Variants in STRN observed in about 807,000 individuals in gnomAD.
STRN encodes the protein striatin, also known as protein phosphatase 2 regulatory subunit B'''alpha.
In STRN, 53 loss-of-function variants were observed where a neutral mutation model predicts 96.3. That is an observed-to-expected ratio of 0.55 (90% CI 0.44 to 0.69). The LOEUF is 0.69. STRN is among the 30% of genes least tolerant of loss of function. STRN has a pLI of 0.00. For synonymous variants in STRN, 428 were observed against 355.9 expected (o/e 1.20, Z -2.28); for missense variants, 987 against 963.9 (o/e 1.02, Z -0.32).
rs1212010303 is a variant in STRN at position 36,838,823 on chromosome 2, A to ATT, written c.*10632_*10633insAA. Among the ~76,000 whole-genome samples the ATT allele has an allele frequency of 6.6e-6, 1 of 152,224 alleles. No individual in the cohort carries two copies. Among genetic ancestry groups the ATT allele is most frequent in the African/African-American group, 2.4e-5 (1 of 41,474 alleles). ...ATAAGAGCTATGATAGACTTAGAGA[A>ATT]ATTCTCATCCTACATTGTTAAATGA... On this transcript the variant is annotated 3_prime_UTR_variant, in exon 18 of 18. Transcript: ENST00000263918.
intron 3 of STRN, among the ~76,000 whole-genome samples, chr2:36,911,678 C>T (rs1669968435): frequency 6.6e-6 from 1 of 151,974 alleles, no homozygotes; most frequent in South Asian, 2.1e-4. Flanking sequence ...TGTGTCTTCA[C>T]TTCCTTCCCT....
intron 12 of STRN, among the ~76,000 whole-genome samples, chr2:36,865,296 G>T (rs757728217): frequency 1.3e-5 from 2 of 152,146 alleles, no homozygotes; most frequent in African/African-American, 4.8e-5. Flanking sequence ...GCTGGTTTTT[G>T]TATTTCTGTG....
intron 1 of STRN, among the ~76,000 whole-genome samples, chr2:36,929,320 C>T (rs753331908): frequency 5.3e-5 from 8 of 152,150 alleles, no homozygotes; most frequent in Non-Finnish European, 1.0e-4. Context: ...TATCTGCATA[C>T]ATAATATCTA....
At chr2:36,864,779 C>A (rs1668580297) in intron 12 of STRN, among the ~76,000 whole-genome samples, 1 of 152,170 alleles carries the variant, frequency 6.6e-6, no homozygotes, top group African/African-American at 2.4e-5. Flanking sequence ...TGGGTGCGAT[C>A]TCAGCTTACT....
chr2:36,925,251 A>C, intron 1 of STRN, 43 bp from the exon 2 acceptor site: 4 of 1,513,136 alleles, frequency 2.6e-6, no homozygotes, highest in Admixed American at 2.0e-5. Flanking sequence ...TAGACCAAAA[A>C]AAAAAGTTTT....
chr2:36,874,054 G>C lies in STRN; in HGVS notation c.1323+3837C>G, dbSNP rs1184768117. ...GTGGATCACAAGGTCAGGAGATCAA[G>C]ACCATCCTGGCTAACACGGTGAAAA... On this transcript the variant is annotated intron_variant, in intron 10 of 17. Coordinates refer to ENST00000263918, the MANE Select transcript of STRN (RefSeq NM_003162.4). 3.3e-5 allele frequency among the ~76,000 whole-genome samples: 5 copies of C among 150,112 alleles called. No individual in the cohort carries two copies. The Admixed American group carries it at 3.3e-4, about 10-fold the overall frequency.
intron 1 of STRN, among the ~76,000 whole-genome samples, chr2:36,937,218 C>T (rs1007361162): frequency 6.6e-6 from 1 of 151,778 alleles, no homozygotes; most frequent in Non-Finnish European, 1.5e-5. Context: ...GTGGTGCATG[C>T]CTATAATCCC....
chr2:36,964,731 C>G, intron 1 of STRN, among the ~76,000 whole-genome samples: 1 of 152,316 alleles, frequency 6.6e-6, no homozygotes, highest in African/African-American at 2.4e-5. Flanking sequence ...CTATCACACG[C>G]TATTCCTGAA....
At position 36,843,004 on chromosome 2, in the gene STRN, A is replaced by C. The variant is rs184400864; in HGVS notation, c.*6452T>G. Among the ~76,000 whole-genome samples, 132 of 152,290 alleles carry C rather than the reference A, an allele frequency of 8.7e-4. No individual in the cohort carries two copies. The highest frequency in any genetic ancestry group is 3.0e-3 in the African/African-American group (123 of 41,578). On this transcript the variant is annotated 3_prime_UTR_variant, in exon 18 of 18. Coordinates refer to ENST00000263918, the MANE Select transcript of STRN (RefSeq NM_003162.4). ...CTTGGGAAACCCAGAGGAGGTCAGAATACTACCTGGCAATCTTAGGCTGAC... is the reference window on the plus strand; with the variant it reads ...CTTGGGAAACCCAGAGGAGGTCAGACTACTACCTGGCAATCTTAGGCTGAC...
At chr2:36,927,329 G>A (rs182122229) in intron 1 of STRN, among the ~76,000 whole-genome samples, 6 of 151,956 alleles carry the variant, frequency 3.9e-5, no homozygotes, top group East Asian at 1.9e-4. Flanking sequence ...GCAACATAGC[G>A]AGACCACGTC....
At chr2:36,874,866 A>G (rs1033863928) in intron 10 of STRN, among the ~76,000 whole-genome samples, 3 of 152,210 alleles carry the variant, frequency 2.0e-5, no homozygotes, top group Non-Finnish European at 2.9e-5. Flanking sequence ...GAGAAATACT[A>G]AATGTTCTCA....
intron 3 of STRN, among the ~76,000 whole-genome samples, chr2:36,911,424 A>G (rs1169611591): frequency 2.0e-5 from 3 of 152,190 alleles, no homozygotes. Context: ...GCCAGGGGCC[A>G]GCACACTACT....
intron 1 of STRN, among the ~76,000 whole-genome samples, chr2:36,938,387 C>G (rs1396206856): frequency 4.6e-5 from 7 of 151,256 alleles, no homozygotes; most frequent in Admixed American, 4.6e-4. Context: ...GATCATGTCA[C>G]TGTACTCCAG....
At chr2:36,937,688 A>AG (rs1478996741) in intron 1 of STRN, among the ~76,000 whole-genome samples, 1 of 151,634 alleles carries the variant, frequency 6.6e-6, no homozygotes, top group Non-Finnish European at 1.5e-5. Context: ...AAGAAAGAAA[A>AG]GAAAAAAAAA....
intron 13 of STRN, among the ~76,000 whole-genome samples, chr2:36,858,592 A>C (rs972939681): frequency 2.6e-5 from 4 of 152,340 alleles, no homozygotes; most frequent in African/African-American, 9.6e-5. Context: ...GCAGGGGAAG[A>C]GGGAGGGAAG....
chr2:36,883,253 G>A (rs559648502), intron 9 of STRN, among the ~76,000 whole-genome samples: 17 of 152,228 alleles, frequency 1.1e-4, no homozygotes, highest in Admixed American at 2.0e-4. Context: ...TCAGGAATTC[G>A]AGGCCAGCCT....
intron 12 of STRN, among the ~76,000 whole-genome samples, chr2:36,866,924 T>C (rs935502901): frequency 1.3e-5 from 2 of 152,186 alleles, no homozygotes; most frequent in Admixed American, 1.3e-4. Flanking sequence ...TGTTACTGCA[T>C]GTGAGGTGGG....
At chr2:36,881,509 A>T (rs752345816) in intron 9 of STRN, among the ~76,000 whole-genome samples, 2 of 152,244 alleles carry the variant, frequency 1.3e-5, no homozygotes, top group African/African-American at 4.8e-5. Context: ...ATTCTTTCTG[A>T]AAGTGGACTG....
chr2:36,869,559 G>T lies in STRN; in HGVS notation c.1494C>A (p.Ala498=). ...TTAAAGTAGAATATTCTCACTTTTT[G>T]GCTGGGGCTGTTTTCTGTAAATTCC... is the stretch of plus-strand genomic sequence containing the variant. ...KMWNLQKTAP[A]KKSTSLDVEP... Residue 498 remains alanine (A), a synonymous_variant, in exon 11 of 18, where the codon GCC becomes GCA. Coordinates refer to ENST00000263918, the MANE Select transcript of STRN (RefSeq NM_003162.4). 1 of 1,537,810 alleles carries T rather than the reference G, an allele frequency of 6.5e-7. No homozygotes were observed. Among genetic ancestry groups the T allele is most frequent in the South Asian group, 1.3e-5 (1 of 78,602 alleles).
Sources: allele counts gnomAD v4.1 joint callset (sites outside exome capture counted in the v4.1 genomes callset), GRCh38; gene constraint gnomAD v4.1.1; transcripts MANE v1.5; gene names NCBI Gene and HGNC (gene_info 2026-07-23, HGNC 2026-07-21).